Variants in SLC4A7 observed in about 807,000 individuals in gnomAD.
SLC4A7 encodes the protein solute carrier family 4 member 7.
SLC4A7 carries 51 observed loss-of-function variants against 137.6 expected under a neutral mutation model. The observed-to-expected ratio is 0.37, with a 90% CI of 0.30 to 0.47. SLC4A7 has a LOEUF of 0.47. SLC4A7 is among the 20% of genes least tolerant of loss of function. The pLI, the probability that SLC4A7 is intolerant of heterozygous loss-of-function variation, is 1.00. For missense variants in SLC4A7, 1,247 were observed against 1,525.4 expected, an observed-to-expected ratio of 0.82 and a Z score of 3.04; for synonymous variants, 542 against 518.6, an observed-to-expected ratio of 1.05 and a Z score of -0.61.
At chr3:27,381,753 G>A (rs2050438476) in intron 24 of SLC4A7, among the ~76,000 whole-genome samples, 1 of 152,168 alleles carries the variant, frequency 6.6e-6, no homozygotes, top group East Asian at 1.9e-4. Flanking sequence ...TATTTTCTAA[G>A]ACTGATTTCG....
chr3:27,408,536 C>T (rs1394324947), intron 13 of SLC4A7, among the ~76,000 whole-genome samples: 3 of 152,116 alleles, frequency 2.0e-5, no homozygotes, highest in African/African-American at 7.2e-5. Context: ...CGATAATTAT[C>T]ATGCCTTAGC....
chr3:27,411,622 A>G lies in SLC4A7; in HGVS notation c.1766+20T>C. The G allele has an allele frequency of 7.8e-7, 1 of 1,289,818 alleles. No individual in the cohort carries two copies. Among genetic ancestry groups the G allele is most frequent in the Non-Finnish European group, 1.0e-6 (1 of 960,790 alleles). 79.9% of individuals were successfully genotyped at this position (1,289,818 alleles called of 1,614,324 possible). ...CAAATCATCCCCCAAACCCTTCAAA[A>G]TATCAGTATTTGCACCCACCGTCCA... On this transcript the variant is annotated intron_variant, in intron 12 of 25. Coordinates refer to ENST00000454389, the MANE Select transcript of SLC4A7 (RefSeq NM_001321103.2).
At chr3:27,469,546 T>G (rs1326155984) in intron 1 of SLC4A7, among the ~76,000 whole-genome samples, 1 of 152,124 alleles carries the variant, frequency 6.6e-6, no homozygotes, top group South Asian at 2.1e-4. Flanking sequence ...AGGATACAAA[T>G]GGAGTTCGAG....
At chr3:27,409,608 CA>C (rs1312686135) in intron 12 of SLC4A7, 78 bp from the exon 13 acceptor site, 1 of 1,137,598 alleles carries the variant, frequency 8.8e-7, no homozygotes, top group African/African-American at 1.6e-5. Context: ...ATGGGCTACA[CA>C]AAACTGCTGG....
chr3:27,482,868 G>A (rs1249878665), intron 1 of SLC4A7, among the ~76,000 whole-genome samples: 1 of 152,164 alleles, frequency 6.6e-6, no homozygotes, highest in African/African-American at 2.4e-5. Context: ...ACTGCTAAAT[G>A]ACTTCACTGT....
At chr3:27,463,644 C>A (rs1469158458) in intron 1 of SLC4A7, among the ~76,000 whole-genome samples, 2 of 152,104 alleles carry the variant, frequency 1.3e-5, no homozygotes, top group Non-Finnish European at 2.9e-5. Flanking sequence ...GAGTGGCCTG[C>A]GCACTGGGAT....
In SLC4A7 at chr3:27,373,592, A is replaced by G. The variant is rs933044709; in HGVS notation, c.*3172T>C. The G allele has an allele frequency of 6.6e-6, 1 of 152,172 alleles. No homozygotes were observed. 9.4% of individuals were successfully genotyped at this position (152,172 alleles called of 1,614,324 possible). On this transcript the variant is annotated 3_prime_UTR_variant, in exon 26 of 26. Transcript: ENST00000454389. Reference sequence around the variant, plus strand: ...ACAGGATTCACATGTTAAACTGCTGAGCACATTTATAGAACTGATGTACAT... The same window carrying G: ...ACAGGATTCACATGTTAAACTGCTGGGCACATTTATAGAACTGATGTACAT...
chr3:27,387,438 G>C (rs1218439706), intron 22 of SLC4A7, among the ~76,000 whole-genome samples: 1 of 151,898 alleles, frequency 6.6e-6, no homozygotes, highest in Non-Finnish European at 1.5e-5. Flanking sequence ...TATTTATCCA[G>C]TTCCAAATTA....
At chr3:27,426,875 T>G (rs1269208789) in intron 7 of SLC4A7, among the ~76,000 whole-genome samples, 1 of 147,022 alleles carries the variant, frequency 6.8e-6, no homozygotes, top group Non-Finnish European at 1.5e-5. Flanking sequence ...GCATTCACAA[T>G]GAGCAAATTA....
chr3:27,468,052 T>TACC (rs2059082891), intron 1 of SLC4A7, among the ~76,000 whole-genome samples: 1 of 152,174 alleles, frequency 6.6e-6, no homozygotes, highest in African/African-American at 2.4e-5. Context: ...GCCTCCCAAG[T>TACC]AGCTGGGATT....
chr3:27,385,398 A>T (rs954838480), intron 23 of SLC4A7, among the ~76,000 whole-genome samples: 17 of 152,214 alleles, frequency 1.1e-4, no homozygotes, highest in African/African-American at 3.4e-4. Context: ...AAACTTTATT[A>T]TACTTTTTAA....
chr3:27,415,767 T>C (rs1390632507), intron 11 of SLC4A7, among the ~76,000 whole-genome samples: 3 of 152,256 alleles, frequency 2.0e-5, no homozygotes, highest in Admixed American at 6.5e-5. Context: ...TTCTTGGTCG[T>C]ATCAGAATCT....
intron 1 of SLC4A7, among the ~76,000 whole-genome samples, chr3:27,475,782 A>C (rs1176674172): frequency 6.6e-6 from 1 of 152,144 alleles, no homozygotes; most frequent in African/African-American, 2.4e-5. Context: ...ATTTGGGAAT[A>C]ATTATGAACA....
In SLC4A7 at chr3:27,389,902, G is replaced by A. The variant is rs45623231; in HGVS notation, c.3360+29C>T. The A allele has an allele frequency of 4.9e-4, 757 of 1,545,310 alleles. 2 individuals are homozygous for A. Among genetic ancestry groups the A allele is most frequent in the Non-Finnish European group, 6.1e-4 (681 of 1,125,198 alleles). ...ATTACTGTAAACATATTATTAATTA[G>A]TGACAAAATAAGTCTGAAGAAATCT... On this transcript the variant is annotated intron_variant, in intron 22 of 25. Transcript: ENST00000454389.
intron 1 of SLC4A7, among the ~76,000 whole-genome samples, chr3:27,479,218 C>T (rs2059608508): frequency 6.6e-6 from 1 of 152,068 alleles, no homozygotes; most frequent in African/African-American, 2.4e-5. Flanking sequence ...AGTTCGACAT[C>T]AGCCTGTGCA....
chr3:27,460,526 T>C (rs1226692009), intron 1 of SLC4A7, among the ~76,000 whole-genome samples: 1 of 152,214 alleles, frequency 6.6e-6, no homozygotes, highest in Non-Finnish European at 1.5e-5. Context: ...TGAATCAATG[T>C]CACCAAATCC....
chr3:27,439,032 TA>T (rs1243607564), intron 3 of SLC4A7, among the ~76,000 whole-genome samples: 5 of 152,174 alleles, frequency 3.3e-5, no homozygotes, highest in Non-Finnish European at 7.3e-5. Context: ...GGGCTCCATA[TA>T]AACAAATACA....
intron 1 of SLC4A7, among the ~76,000 whole-genome samples, chr3:27,469,827 T>C (rs1406590456): frequency 6.6e-6 from 1 of 152,234 alleles, no homozygotes; most frequent in Non-Finnish European, 1.5e-5. Context: ...ATACAGTTGA[T>C]AGTCTTAGAA....
chr3:27,395,244 T>C (rs988488613), intron 18 of SLC4A7, 129 bp from the exon 19 acceptor site: 3 of 586,304 alleles, frequency 5.1e-6, no homozygotes, highest in African/African-American at 3.8e-5. Context: ...TTGAACTACA[T>C]GGTGAATTAT....
Sources: gnomAD v4.1 joint callset for allele counts (sites outside exome capture counted in the v4.1 genomes callset) on GRCh38, gnomAD v4.1.1 for gene constraint, MANE v1.5 for transcripts, NCBI Gene and HGNC (gene_info 2026-07-23, HGNC 2026-07-21) for gene names.